SLIT1: variants seen among roughly 807,000 people sequenced by gnomAD.
SLIT1 encodes the protein slit guidance ligand 1, also known as slit homolog 1 protein.
In SLIT1, 66 loss-of-function variants were observed where a neutral mutation model predicts 186.1. The ratio of observed to expected loss-of-function variants is 0.35; its 90% CI spans 0.29 to 0.44. The LOEUF (loss-of-function observed/expected upper bound fraction) is 0.44. Ranked by LOEUF, SLIT1 falls within the 20% of genes least tolerant of loss-of-function variation. SLIT1 has a pLI of 1.00. For synonymous variants in SLIT1, 761 were observed against 833.8 expected, an observed-to-expected ratio of 0.91 and a Z score of 1.50; for missense variants, 1,638 against 2,037.4, an observed-to-expected ratio of 0.80 and a Z score of 3.77.
At chr10:97,014,405 G>A (rs1326361132) in intron 28 of SLIT1, among the ~76,000 whole-genome samples, 1 of 152,184 alleles carries the variant, frequency 6.6e-6, no homozygotes, top group South Asian at 2.1e-4. Context: ...CCAGGATGGT[G>A]TAAGCACTGA....
intron 4 of SLIT1, among the ~76,000 whole-genome samples, chr10:97,088,796 G>A (rs1849196565): frequency 6.6e-6 from 1 of 152,110 alleles, no homozygotes; most frequent in Admixed American, 6.5e-5. Context: ...GGATCGCAGG[G>A]GCCCACGTCC....
At chr10:97,008,715 G>T (rs1366157848) in intron 31 of SLIT1, among the ~76,000 whole-genome samples, 1 of 149,308 alleles carries the variant, frequency 6.7e-6, no homozygotes, top group Non-Finnish European at 1.5e-5. Context: ...AAAAAAAAGG[G>T]AATACTACCT....
chr10:97,018,949 G>GA, intron 27 of SLIT1, 34 bp downstream of exon 27: 1 of 1,360,304 alleles, frequency 7.4e-7, no homozygotes, highest in Non-Finnish European at 1.0e-6. Context: ...TACACGAAGA[G>GA]CCCTCCTCCT....
intron 21 of SLIT1, among the ~76,000 whole-genome samples, chr10:97,039,554 G>C (rs1475205372): frequency 6.6e-6 from 1 of 151,664 alleles, no homozygotes; most frequent in Non-Finnish European, 1.5e-5. Flanking sequence ...TGCTGTTTAT[G>C]ACAGTAAAAA....
At chr10:97,070,830 G>GT (rs113645797) in intron 4 of SLIT1, among the ~76,000 whole-genome samples, 2,231 of 152,212 alleles carry the variant, frequency 0.015, 47 homozygotes, top group African/African-American at 0.047. Flanking sequence ...TTTTGTTTTT[G>GT]TTTTTTTAGA....
At chr10:97,012,899 G>A (rs1848423982) in intron 30 of SLIT1, among the ~76,000 whole-genome samples, 1 of 152,188 alleles carries the variant, frequency 6.6e-6, no homozygotes, top group South Asian at 2.1e-4. Flanking sequence ...TGGTGGAATG[G>A]GGAGGTCCCA....
chr10:97,146,786 C>T (rs757331687), intron 4 of SLIT1, among the ~76,000 whole-genome samples: 4 of 152,166 alleles, frequency 2.6e-5, no homozygotes, highest in Non-Finnish European at 5.9e-5. Context: ...AAATGGGCGG[C>T]GCCCCTTTTT....
chr10:97,071,239 G>A (rs1257788657), intron 4 of SLIT1, among the ~76,000 whole-genome samples: 1 of 152,200 alleles, frequency 6.6e-6, no homozygotes, highest in Non-Finnish European at 1.5e-5. Context: ...TGCCACCTTT[G>A]CTGACCCACA....
At chr10:97,112,567 A>G (rs1849474697) in intron 4 of SLIT1, among the ~76,000 whole-genome samples, 1 of 152,226 alleles carries the variant, frequency 6.6e-6, no homozygotes, top group Admixed American at 6.5e-5. Flanking sequence ...CCACACTATG[A>G]GGTACTACCA....
rs770901794 is a variant in SLIT1 at position 97,000,916 on chromosome 10, C to T, written c.*196G>A. On this transcript the variant is annotated 3_prime_UTR_variant, in exon 37 of 37. Coordinates refer to ENST00000266058, the MANE Select transcript of SLIT1 (RefSeq NM_003061.3). ...GGGCAGCCCGCAGCTCAGGCCTCGC[C>T]CACCCCCGCTGCCCCCAGCTATGGC... 2.4e-5 allele frequency: 14 copies of T among 593,890 alleles called. No homozygotes were observed. Among genetic ancestry groups the T allele is most frequent in the Non-Finnish European group, 3.6e-5 (12 of 333,772 alleles). 36.8% of individuals were successfully genotyped at this position (593,890 alleles called of 1,614,324 possible).
rs1283710320 is a variant in SLIT1, at chr10:97,166,557, A to AGGAAAGAG, written c.198-1668_198-1667insCTCTTTCC. Among the ~76,000 whole-genome samples the AGGAAAGAG allele has an allele frequency of 5.4e-3, 300 of 55,126 alleles. 4 individuals are homozygous for AGGAAAGAG. Among genetic ancestry groups the AGGAAAGAG allele is most frequent in the Middle Eastern group, 0.031 (4 of 128 alleles). The allele number at this position is 55,126 out of a possible 152,430, so 36.2% of individuals were successfully genotyped here. ...AAGGAAGGAAGGAAGGAAGGAAGGA[A>AGGAAAGAG]AGAGAGAGAGAGAGAAAGAAAGAAA... On this transcript the variant is annotated intron_variant, in intron 1 of 36. Transcript: ENST00000266058.
intron 32 of SLIT1, among the ~76,000 whole-genome samples, chr10:97,005,146 G>A (rs1014099335): frequency 6.6e-6 from 1 of 152,214 alleles, no homozygotes; most frequent in African/African-American, 2.4e-5. Context: ...AAATTAGACT[G>A]GGACCCCTGT....
At chr10:97,131,914 A>G (rs1235623774) in intron 4 of SLIT1, among the ~76,000 whole-genome samples, 1 of 152,206 alleles carries the variant, frequency 6.6e-6, no homozygotes, top group Non-Finnish European at 1.5e-5. Context: ...AGGTTAGGCA[A>G]CGTGCCCATG....
Position 97,043,257 on chromosome 10 carries a change from C to A in SLIT1, c.1997+113G>T. On this transcript the variant is annotated intron_variant, in intron 19 of 36. Coordinates refer to ENST00000266058, the MANE Select transcript of SLIT1 (RefSeq NM_003061.3). The surrounding 1 kb of genome is among the most constrained non-coding windows in gnomAD (Gnocchi z 7.0). ...TCGAAATGTGGAACCCACGTTTCAG[C>A]AAACCACGAAGACCCAGCACCCCCA... 7.0e-7 allele frequency: 1 copy of A among 1,437,654 alleles called. No homozygotes were observed. The highest frequency in any genetic ancestry group is 9.6e-7 in the Non-Finnish European group (1 of 1,042,136). The allele number at this position is 1,437,654 out of a possible 1,614,324, so 89.1% of individuals were successfully genotyped here. A position where few individuals can be genotyped will look rare whatever the true frequency, so the allele number is the denominator to read the frequency against.
chr10:97,179,188 C>A (rs1850297378), intron 1 of SLIT1, among the ~76,000 whole-genome samples: 5 of 152,206 alleles, frequency 3.3e-5, no homozygotes, highest in Admixed American at 3.3e-4. Context: ...GCTGATGGGG[C>A]ATTGACTATG....
chr10:97,165,838 CCTCCTTCCTTCCAAGGCCA>C (rs1403022114), intron 1 of SLIT1, among the ~76,000 whole-genome samples: 1 of 152,106 alleles, frequency 6.6e-6, no homozygotes, highest in Non-Finnish European at 1.5e-5. Flanking sequence ...CTGCCTGGCC[CCTCCTTCCTTCCAAGGCCA>C]CCTTGGACCC....
intron 1 of SLIT1, among the ~76,000 whole-genome samples, chr10:97,179,807 C>A (rs911175419): frequency 6.6e-6 from 1 of 150,650 alleles, no homozygotes; most frequent in Non-Finnish European, 1.5e-5. Flanking sequence ...CCCTCCCCGC[C>A]CCCCGGCACA....
chr10:97,048,762 A>G (rs952351804), intron 14 of SLIT1, among the ~76,000 whole-genome samples, 193 bp downstream of exon 14: 2 of 150,900 alleles, frequency 1.3e-5, no homozygotes, highest in African/African-American at 2.4e-5. Flanking sequence ...CAGGTAGGTG[A>G]ACAGGTGGGC....
chr10:97,129,259 G>A (rs1187444711), intron 4 of SLIT1, among the ~76,000 whole-genome samples: 6 of 152,012 alleles, frequency 3.9e-5, no homozygotes, highest in Admixed American at 2.0e-4. Flanking sequence ...AAAATTAGTC[G>A]GGTGTGGTGA....
Sources: gnomAD v4.1 joint callset for allele counts (sites outside exome capture counted in the v4.1 genomes callset) on GRCh38, gnomAD v4.1.1 for gene constraint, Gnocchi (gnomAD v3.1) non-coding constraint, MANE v1.5 for transcripts, NCBI Gene and HGNC (gene_info 2026-07-23, HGNC 2026-07-21) for gene names.